Variants in CYTH3 observed in about 807,000 individuals in gnomAD.
CYTH3 encodes the protein cytohesin-3.
In CYTH3, 23 loss-of-function variants were observed where a neutral mutation model predicts 55.1. The observed-to-expected ratio is 0.42, with a 90% CI of 0.30 to 0.59. CYTH3 has a LOEUF of 0.59. Among genes scored for constraint, CYTH3 ranks in the 20% least tolerant of loss-of-function variants. The pLI is 0.20. For synonymous variants in CYTH3, 249 were observed against 194.9 expected, an observed-to-expected ratio of 1.28 and a Z score of -2.31; for missense variants, 413 against 524.8, an observed-to-expected ratio of 0.79 and a Z score of 2.08.
At chr7:6,179,640 A>C (rs1783430141) in intron 4 of CYTH3, among the ~76,000 whole-genome samples, 2 of 104,120 alleles carry the variant, frequency 1.9e-5, no homozygotes, top group Admixed American at 9.7e-5. Context: ...CATACACCTC[A>C]CACACCCCAC....
intron 1 of CYTH3, among the ~76,000 whole-genome samples, chr7:6,207,675 C>T (rs955543802): frequency 6.7e-6 from 1 of 149,802 alleles, no homozygotes; most frequent in African/African-American, 2.5e-5. Context: ...AAAGGCTGGG[C>T]GCAGTGACTC....
At chr7:6,269,870 C>CA (rs937771205) in intron 1 of CYTH3, among the ~76,000 whole-genome samples, 7 of 151,660 alleles carry the variant, frequency 4.6e-5, no homozygotes, top group African/African-American at 1.2e-4. Flanking sequence ...TGACCATTAA[C>CA]AAAAAAAAGA....
intron 1 of CYTH3, among the ~76,000 whole-genome samples, chr7:6,204,840 C>A (rs958657099): frequency 6.6e-6 from 1 of 152,152 alleles, no homozygotes; most frequent in East Asian, 1.9e-4. Context: ...TCTCTGAACA[C>A]AAAACAATCA....
intron 12 of CYTH3, 68 bp downstream of exon 12, chr7:6,165,203 CCA>C: frequency 6.4e-7 from 1 of 1,571,090 alleles, no homozygotes; most frequent in Non-Finnish European, 8.6e-7. Flanking sequence ...CATCCATGTT[CCA>C]GACCATCCCC....
At chr7:6,266,062 T>C (rs895241095) in intron 1 of CYTH3, among the ~76,000 whole-genome samples, 3 of 152,158 alleles carry the variant, frequency 2.0e-5, no homozygotes, top group Admixed American at 1.3e-4. Context: ...AGATGTGTTT[T>C]ATATATATCC....
At chr7:6,200,328 G>A (rs572844046) in intron 1 of CYTH3, among the ~76,000 whole-genome samples, 29 of 152,228 alleles carry the variant, frequency 1.9e-4, no homozygotes, top group African/African-American at 5.3e-4. Context: ...GATCTTCCAC[G>A]GAGTTCACTC....
chr7:6,189,760 G>A (rs1465777671), intron 2 of CYTH3, among the ~76,000 whole-genome samples: 2 of 152,094 alleles, frequency 1.3e-5, no homozygotes, highest in African/African-American at 4.8e-5. Flanking sequence ...TTGGTGGCTG[G>A]GCGCAGTGGC....
chr7:6,222,755 A>C (rs1356823144), intron 1 of CYTH3, among the ~76,000 whole-genome samples: 4 of 151,870 alleles, frequency 2.6e-5, no homozygotes, highest in South Asian at 2.1e-4. Context: ...TCAAAAAAAA[A>C]AAAACAAAAC....
chr7:6,165,046 G>C, intron 12 of CYTH3, 30 bp from the exon 13 acceptor site: 1 of 1,613,734 alleles, frequency 6.2e-7, no homozygotes, highest in Non-Finnish European at 8.5e-7. Flanking sequence ...ACACAGGTTA[G>C]GTCGTGGGTG....
chr7:6,164,649 A>C lies in CYTH3; in HGVS notation c.*295T>G, dbSNP rs745560643. ...GGCGCCGGGATGGTCGCAGGAAGGAAATGCTTCTGGACATGCGCAGCCGAC... is the reference window on the plus strand; with the variant it reads ...GGCGCCGGGATGGTCGCAGGAAGGACATGCTTCTGGACATGCGCAGCCGAC... On this transcript the variant is annotated 3_prime_UTR_variant, in exon 13 of 13. Coordinates refer to ENST00000350796, the MANE Select transcript of CYTH3 (RefSeq NM_004227.4). 2.2e-5 allele frequency: 10 copies of C among 447,840 alleles called. No homozygotes were observed. In the East Asian group the frequency reaches 3.8e-4, roughly 17 times the overall value. The allele number at this position is 447,840 out of a possible 1,614,324, so 27.7% of individuals were successfully genotyped here.
chr7:6,192,801 G>A lies in CYTH3; in HGVS notation c.35-2270C>T, dbSNP rs549022196. On this transcript the variant is annotated intron_variant, in intron 1 of 12. Coordinates refer to ENST00000350796, the MANE Select transcript of CYTH3 (RefSeq NM_004227.4). ...ACCCGTCTTGGCCTCCCAAAATGCT[G>A]AGATTACAGGCCTGAGCCACCACAC... Among the ~76,000 whole-genome samples the A allele has an allele frequency of 6.6e-5, 10 of 151,298 alleles. No individual in the cohort carries two copies. In the South Asian group the frequency reaches 1.9e-3, roughly 28 times the overall value.
chr7:6,210,576 C>CT (rs1351683330), intron 1 of CYTH3, among the ~76,000 whole-genome samples: 2 of 152,198 alleles, frequency 1.3e-5, no homozygotes, highest in Non-Finnish European at 2.9e-5. Flanking sequence ...ATTTTTATAA[C>CT]TAATTTCCTA....
intron 1 of CYTH3, among the ~76,000 whole-genome samples, chr7:6,244,943 C>A (rs1246799761): frequency 6.9e-6 from 1 of 145,906 alleles, no homozygotes; most frequent in Non-Finnish European, 1.5e-5. Flanking sequence ...CACCCGCCAC[C>A]ACGCCCGGCT....
intron 1 of CYTH3, among the ~76,000 whole-genome samples, chr7:6,254,480 G>C (rs141186447): frequency 7.7e-4 from 117 of 152,302 alleles, no homozygotes; most frequent in African/African-American, 2.8e-3. Context: ...ACGGAGTCTC[G>C]TTCTGTCGTC....
At chr7:6,172,757 C>T in intron 6 of CYTH3, 2 of 1,253,458 alleles carry the variant, frequency 1.6e-6, no homozygotes, top group South Asian at 2.6e-5. Flanking sequence ...TCTGGATGTA[C>T]AGCTTCCAGA....
intron 1 of CYTH3, among the ~76,000 whole-genome samples, chr7:6,259,790 T>TATATA (rs1554255108): frequency 1.3e-4 from 2 of 14,990 alleles, no homozygotes; most frequent in Admixed American, 1.3e-3. Context: ...ATATAATATA[T>TATATA]ATATATATAT....
intron 1 of CYTH3, among the ~76,000 whole-genome samples, chr7:6,255,678 A>C (rs1780080681): frequency 6.6e-6 from 1 of 151,194 alleles, no homozygotes; most frequent in African/African-American, 2.4e-5. Flanking sequence ...CAAGTCTCTT[A>C]TGAAATTAAG....
chr7:6,268,005 T>C (rs1222766540), intron 1 of CYTH3, among the ~76,000 whole-genome samples: 1 of 152,122 alleles, frequency 6.6e-6, no homozygotes, highest in Admixed American at 6.6e-5. Flanking sequence ...CCACCTATAT[T>C]CCCCATCCAC....
chr7:6,248,672 A>T (rs747975533), intron 1 of CYTH3, among the ~76,000 whole-genome samples: 20 of 152,190 alleles, frequency 1.3e-4, no homozygotes, highest in Non-Finnish European at 2.6e-4. Flanking sequence ...GTGGCCACTC[A>T]GGGTCATCAG....
Sources: allele counts gnomAD v4.1 joint callset (sites outside exome capture counted in the v4.1 genomes callset), GRCh38; gene constraint gnomAD v4.1.1; transcripts MANE v1.5; gene names NCBI Gene and HGNC (gene_info 2026-07-23, HGNC 2026-07-21).